The following CDK17 variants were observed in gnomAD, a reference collection of about 807,000 sequenced individuals.
CDK17 encodes cyclin-dependent kinase 17.
A neutral mutation model predicts 77.6 loss-of-function variants in CDK17; 24 were observed. The ratio of observed to expected loss-of-function variants is 0.31; its 90% CI spans 0.22 to 0.44. The LOEUF (loss-of-function observed/expected upper bound fraction) is 0.44. Ranked by LOEUF, CDK17 falls within the 20% of genes least tolerant of loss-of-function variation. The pLI is 1.00. For synonymous variants in CDK17, 203 were observed against 210.4 expected (o/e 0.96, Z 0.30); for missense variants, 429 against 622.5 (o/e 0.69, Z 3.31).
chr12:96,390,877 T>C (rs1438690807), intron 1 of CDK17, among the ~76,000 whole-genome samples: 2 of 151,474 alleles, frequency 1.3e-5, no homozygotes, highest in Non-Finnish European at 2.9e-5. Context: ...CCAAGGTGGG[T>C]GGATTACCTG....
At chr12:96,373,362 G>A (rs780818882) in intron 1 of CDK17, among the ~76,000 whole-genome samples, 2 of 152,082 alleles carry the variant, frequency 1.3e-5, no homozygotes, top group Non-Finnish European at 2.9e-5. Context: ...GGAGGCCTAG[G>A]CAGGCGGATA....
intron 1 of CDK17, among the ~76,000 whole-genome samples, chr12:96,390,765 A>G (rs965371087): frequency 2.0e-5 from 3 of 151,324 alleles, no homozygotes; most frequent in South Asian, 4.2e-4. Flanking sequence ...CTTCAAGTTT[A>G]AAAGTAGACC....
chr12:96,371,992 T>A (rs1350789202), intron 1 of CDK17, among the ~76,000 whole-genome samples: 1 of 83,718 alleles, frequency 1.2e-5, no homozygotes, highest in Non-Finnish European at 2.4e-5. Flanking sequence ...AGAGAGACAG[T>A]GTGTGAGTGA....
At chr12:96,337,510 G>A (rs1428713399) in intron 1 of CDK17, among the ~76,000 whole-genome samples, 1 of 152,050 alleles carries the variant, frequency 6.6e-6, no homozygotes, top group East Asian at 1.9e-4. Flanking sequence ...CTCCATCATA[G>A]GCAGAAATGG....
intron 5 of CDK17, among the ~76,000 whole-genome samples, chr12:96,304,331 G>T (rs1952549037): frequency 6.6e-6 from 1 of 152,190 alleles, no homozygotes; most frequent in Non-Finnish European, 1.5e-5. Context: ...GAGGTCAGGA[G>T]ATCAAGACCA....
At chr12:96,340,037 T>C (rs770500002) in intron 1 of CDK17, among the ~76,000 whole-genome samples, 2 of 152,006 alleles carry the variant, frequency 1.3e-5, no homozygotes, top group Admixed American at 6.6e-5. Context: ...AAAATATGCC[T>C]ACAAAAATCT....
intron 5 of CDK17, among the ~76,000 whole-genome samples, chr12:96,304,579 T>C (rs1952552966): frequency 6.6e-6 from 1 of 152,098 alleles, no homozygotes; most frequent in Non-Finnish European, 1.5e-5. Flanking sequence ...GGGAGGCTTT[T>C]TCAAACATTC....
Position 96,297,646 on chromosome 12 carries a change from G to A in CDK17, c.791C>T (p.Thr264Ile), listed in dbSNP as rs758304893. The change falls in exon 8 of 17, where the codon ACT becomes ATT. Residue 264 changes from threonine to isoleucine, a missense_variant. Transcript: ENST00000261211. ...HDIVHTDKSLTLVFEYLDKDL... is the reference protein window; with the variant it reads ...HDIVHTDKSLILVFEYLDKDL... ...GCTTACCAGATACTCAAACACCAAAGTCAAGGATTTATCTGTGTGAACAAT... is the reference window on the plus strand; with the variant it reads ...GCTTACCAGATACTCAAACACCAAAATCAAGGATTTATCTGTGTGAACAAT... 158 of 1,596,700 alleles carry A rather than the reference G, an allele frequency of 9.9e-5. 2 individuals are homozygous for A. The highest frequency in any genetic ancestry group is 8.9e-4 in the South Asian group (80 of 90,146).
intron 2 of CDK17, among the ~76,000 whole-genome samples, chr12:96,328,892 T>A (rs1952929037): frequency 6.6e-6 from 1 of 152,082 alleles, no homozygotes; most frequent in African/African-American, 2.4e-5. Flanking sequence ...TTGCGGCCCA[T>A]GAGAGAGCCA....
intron 2 of CDK17, among the ~76,000 whole-genome samples, chr12:96,333,010 C>T (rs1412875665): frequency 1.3e-5 from 2 of 151,984 alleles, no homozygotes; most frequent in Admixed American, 6.6e-5. Context: ...TAGTCAAATA[C>T]TAAAAATATG....
Position 96,280,858 on chromosome 12 carries a change from ATC to A in CDK17, c.1482_1483del (p.Glu494AspfsTer91). The A allele has an allele frequency of 6.2e-7, 1 of 1,613,928 alleles. No individual in the cohort carries two copies. The highest frequency in any genetic ancestry group is 8.5e-7 in the Non-Finnish European group (1 of 1,179,920). ...AAAACCCGGGTCCTTTTGCAACTGA[ATC>A]TCTTTCAAACTGAATATTGATACAC... On this transcript the variant is annotated frameshift_variant, in exon 16 of 17. Transcript: ENST00000261211. LOFTEE classifies it high-confidence loss of function.
intron 2 of CDK17, among the ~76,000 whole-genome samples, chr12:96,330,782 C>CT (rs1555202853): frequency 6.6e-6 from 1 of 152,134 alleles, no homozygotes; most frequent in Non-Finnish European, 1.5e-5. Context: ...TACACCTTAG[C>CT]TGTTGTGAAT....
chr12:96,347,251 C>T (rs769325717), intron 1 of CDK17, among the ~76,000 whole-genome samples: 1 of 151,920 alleles, frequency 6.6e-6, no homozygotes, highest in Non-Finnish European at 1.5e-5. Flanking sequence ...GACAGAAGAA[C>T]CAGACAGATT....
chr12:96,279,646 TA>T lies in CDK17; in HGVS notation c.*595del, dbSNP rs1159441446. ...TCTGCATCACATGCTTATCTAAACG[TA>T]ATGTGCTTGTCAATCTCTTAGCTAC... On this transcript the variant is annotated 3_prime_UTR_variant, in exon 17 of 17. Coordinates refer to ENST00000261211, the MANE Select transcript of CDK17 (RefSeq NM_002595.5). The T allele has an allele frequency of 6.6e-6, 1 of 152,472 alleles. No individual in the cohort carries two copies. Among genetic ancestry groups the T allele is most frequent in the Non-Finnish European group, 1.5e-5 (1 of 68,028 alleles). 9.4% of individuals were successfully genotyped at this position (152,472 alleles called of 1,614,324 possible).
In CDK17 at chr12:96,282,535, C is replaced by T; in HGVS notation, c.1430G>A (p.Gly477Glu). 6.2e-7 allele frequency: 1 copy of T among 1,610,876 alleles called. No individual in the cohort carries two copies. Among genetic ancestry groups the T allele is most frequent in the Non-Finnish European group, 8.5e-7 (1 of 1,177,090 alleles). ...TTCTGGTAAAGCATGTATTCTTGGT[C>T]CCAGACTTCGAAAGTACACATGTTT... ...AMKHVYFRSL[G>E]PRIHALPESV... The change falls in exon 15 of 17, where the codon GGA (glycine) becomes GAA (glutamate). Residue 477 changes from glycine (G) to glutamate (E), a missense_variant. This residue lies in a region of CDK17 where 115 missense variants were observed against 124.2 expected (regional missense o/e 0.93). Coordinates refer to ENST00000261211, the MANE Select transcript of CDK17 (RefSeq NM_002595.5).
At chr12:96,338,062 A>G (rs1008319272) in intron 1 of CDK17, among the ~76,000 whole-genome samples, 6 of 152,316 alleles carry the variant, frequency 3.9e-5, no homozygotes, top group African/African-American at 9.6e-5. Flanking sequence ...GGCCCACACT[A>G]TATCAGTTTG....
intron 1 of CDK17, among the ~76,000 whole-genome samples, chr12:96,348,773 A>G (rs769371254): frequency 2.0e-5 from 3 of 152,130 alleles, no homozygotes; most frequent in Non-Finnish European, 4.4e-5. Flanking sequence ...CACAAGAAGA[A>G]AGAGACAACC....
chr12:96,327,889 A>C (rs1186314118), intron 2 of CDK17, among the ~76,000 whole-genome samples: 2 of 152,138 alleles, frequency 1.3e-5, no homozygotes, highest in Admixed American at 6.6e-5. Flanking sequence ...TGTTAAACAT[A>C]TATGAAATAT....
intron 2 of CDK17, among the ~76,000 whole-genome samples, chr12:96,333,011 T>C (rs1381176358): frequency 6.6e-6 from 1 of 152,180 alleles, no homozygotes; most frequent in African/African-American, 2.4e-5. Context: ...AGTCAAATAC[T>C]AAAAATATGT....
Sources: allele counts gnomAD v4.1 joint callset (sites outside exome capture counted in the v4.1 genomes callset), GRCh38; gene constraint gnomAD v4.1.1; regional missense constraint gnomAD v4.1.1; transcripts MANE v1.5; gene names NCBI Gene and HGNC (gene_info 2026-07-23, HGNC 2026-07-21).